Variants in ACAN observed in about 807,000 individuals in gnomAD.
The protein encoded by ACAN is aggrecan core protein.
In ACAN, 47 loss-of-function variants were observed where a neutral mutation model predicts 169.1. The ratio of observed to expected loss-of-function variants is 0.28; its 90% CI spans 0.22 to 0.35. ACAN has a LOEUF of 0.35. Ranked by LOEUF, ACAN falls within the 10% of genes least tolerant of loss-of-function variation. The pLI is 1.00. For missense variants in ACAN, 2,716 were observed against 2,759.9 expected (o/e 0.98, Z 0.36); for synonymous variants, 1,115 against 1,112.2 (o/e 1.00, Z -0.05).
chr15:88,873,794 T>C lies in ACAN; in HGVS notation c.7448-48T>C. ...CTCGGGTCACAACCAGCATAGGTCA[T>C]CCCAGGAGACCCTATGAGACCCTTT... On this transcript the variant is annotated intron_variant, in intron 17 of 18. Coordinates refer to ENST00000560601, the MANE Select transcript of ACAN (RefSeq NM_001369268.1). The surrounding 1 kb of genome is among the most constrained non-coding windows in gnomAD (Gnocchi z 7.5). The C allele has an allele frequency of 1.3e-6, 2 of 1,592,072 alleles. No individual in the cohort carries two copies. The highest frequency in any genetic ancestry group is 8.6e-7 in the Non-Finnish European group (1 of 1,166,296).
rs1445251136 is a variant in ACAN at position 88,843,310 on chromosome 15, G to C, written c.758-45G>C. On this transcript the variant is annotated intron_variant, in intron 5 of 18. Transcript: ENST00000560601. The surrounding 1 kb of genome is among the most constrained non-coding windows in gnomAD (Gnocchi z 4.0). Reference sequence around the variant, plus strand: ...ATCTCTCTGGGGATGCAGAGCAGGGGGAGGGGGGAGAAGACCCTTACCCAG... The same window carrying C: ...ATCTCTCTGGGGATGCAGAGCAGGGCGAGGGGGGAGAAGACCCTTACCCAG... The C allele has an allele frequency of 7.4e-7, 1 of 1,348,580 alleles. No homozygotes were observed. Among genetic ancestry groups the C allele is most frequent in the African/African-American group, 3.2e-5 (1 of 31,408 alleles). The allele number at this position is 1,348,580 out of a possible 1,614,324, so 83.5% of individuals were successfully genotyped here.
intron 13 of ACAN, among the ~76,000 whole-genome samples, chr15:88,867,218 G>A (rs1897294348): frequency 6.6e-6 from 1 of 152,226 alleles, no homozygotes; most frequent in Non-Finnish European, 1.5e-5. Context: ...GCTAATTCAT[G>A]AAAATTTGAG....
chr15:88,815,656 T>A (rs76963421), intron 1 of ACAN, among the ~76,000 whole-genome samples: 1,165 of 54,020 alleles, frequency 0.022, 35 homozygotes, highest in African/African-American at 0.069. Context: ...CTGCACTGAT[T>A]AAAAAAAAAA....
Position 88,872,977 on chromosome 15 carries a change from G to A in ACAN, c.7399G>A (p.Asp2467Asn). The A allele has an allele frequency of 6.2e-7, 1 of 1,613,830 alleles. No individual in the cohort carries two copies. ...CTGGCACGAGAAGGGCGAGTGGAAT[G>A]ATGTTCCCTGCAATTACCACCTCCC... ...MIWHEKGEWN[D>N]VPCNYHLPFT... The change falls in exon 17 of 19, where the codon GAT becomes AAT. Residue 2467 changes from aspartate to asparagine, a missense_variant. Around this residue, in one of 3 missense-constraint regions of ACAN, gnomAD observed 1,389 missense variants for 1,363.7 expected, o/e 1.02. Transcript: ENST00000560601. The surrounding 1 kb of genome is among the most constrained non-coding windows in gnomAD (Gnocchi z 5.4).
At chr15:88,811,718 T>C (rs1184203667) in intron 1 of ACAN, among the ~76,000 whole-genome samples, 1 of 152,150 alleles carries the variant, frequency 6.6e-6, no homozygotes, top group African/African-American at 2.4e-5. Context: ...CCCTGGCCTG[T>C]TGGGTGACTC....
In ACAN at chr15:88,838,925, C is replaced by T. The variant is rs766805580; in HGVS notation, c.333C>T (p.Ala111=). The change falls in exon 3 of 19, where the codon GCC becomes GCT. Residue 111 remains alanine (A), a synonymous_variant. Transcript: ENST00000560601. This position sits in a 1 kb window ranked among gnomAD's most constrained non-coding sequence, Gnocchi z 5.1. ...AGGTCTCACTGCCCAACTACCCGGC[C>T]ATCCCCAGTGACGCCACCTTGGAAG... ...QDKVSLPNYP[A]IPSDATLEVQ... is the part of the protein sequence containing the mutation. The T allele has an allele frequency of 4.3e-6, 7 of 1,613,924 alleles. No individual in the cohort carries two copies. The Admixed American group carries it at 1.2e-4, about 27-fold the overall frequency.
chr15:88,807,747 A>T lies in ACAN; in HGVS notation c.-8+3938A>T, dbSNP rs1315074666. Among the ~76,000 whole-genome samples the T allele has an allele frequency of 5.6e-5, 8 of 142,086 alleles. No individual in the cohort carries two copies. Among genetic ancestry groups the T allele is most frequent in the Non-Finnish European group, 9.2e-5 (6 of 65,318 alleles). The allele number at this position is 142,086 out of a possible 152,430, so 93.2% of individuals were successfully genotyped here. A position where few individuals can be genotyped will look rare whatever the true frequency, so the allele number is the denominator to read the frequency against. ...CTCAGAGCCTCCTTATAAGTGGTGG[A>T]GTGTGTGTGTGTGTGTGTGTGTGTG... is the stretch of plus-strand genomic sequence containing the variant. On this transcript the variant is annotated intron_variant, in intron 1 of 18. Coordinates refer to ENST00000560601, the MANE Select transcript of ACAN (RefSeq NM_001369268.1). The surrounding 1 kb of genome is among the most constrained non-coding windows in gnomAD (Gnocchi z 4.0).
intron 1 of ACAN, among the ~76,000 whole-genome samples, chr15:88,821,764 G>T (rs1395337803): frequency 5.3e-5 from 8 of 152,160 alleles, no homozygotes; most frequent in Non-Finnish European, 1.2e-4. Context: ...TCCTGGCCAG[G>T]ATGTACTGAC....
intron 1 of ACAN, among the ~76,000 whole-genome samples, chr15:88,820,301 C>T (rs4932429): frequency 2.0e-5 from 3 of 151,876 alleles, no homozygotes; most frequent in Admixed American, 1.3e-4. Context: ...TGATCGAGGA[C>T]GGCAAACTGG....
intron 6 of ACAN, among the ~76,000 whole-genome samples, chr15:88,844,294 C>CTTTTTTTTTTT (rs71149235): frequency 1.9e-5 from 2 of 104,690 alleles, no homozygotes; most frequent in East Asian, 2.7e-4. Context: ...CCATGCTTTG[C>CTTTTTTTTTTT]TTTTTTTTTT....
At position 88,840,786 on chromosome 15, in the gene ACAN, T is replaced by TAAAAA. The variant is rs11333209; in HGVS notation, c.629+610_629+614dup. ...TCTTAGGATACAAAAACTATAGCCA[T>TAAAAA]AAAAAAAAAAAAAAGATGAGATAAT... On this transcript the variant is annotated intron_variant, in intron 4 of 18. Coordinates refer to ENST00000560601, the MANE Select transcript of ACAN (RefSeq NM_001369268.1). 2.2e-5 allele frequency among the ~76,000 whole-genome samples: 3 copies of TAAAAA among 136,390 alleles called. 1 individual carries two copies. The highest frequency in any genetic ancestry group is 5.0e-4 in the South Asian group (2 of 4,018). The allele number at this position is 136,390 out of a possible 152,430, so 89.5% of individuals were successfully genotyped here.
rs541175678 is a variant in ACAN, at chr15:88,868,052, GGCAGCAGCAGCAGCA to G, written c.6947-154_6947-140del. Among the ~76,000 whole-genome samples, 1 of 151,982 alleles carries G rather than the reference GGCAGCAGCAGCAGCA, an allele frequency of 6.6e-6. No individual in the cohort carries two copies. The highest frequency in any genetic ancestry group is 2.4e-5 in the African/African-American group (1 of 41,364). ...GATCTTTGCTTCAGCACTCCAAGAT[GGCAGCAGCAGCAGCA>G]GCAGCAGCAACAGTTCTCAGGAAAA... On this transcript the variant is annotated intron_variant, in intron 13 of 18. Coordinates refer to ENST00000560601, the MANE Select transcript of ACAN (RefSeq NM_001369268.1). The surrounding 1 kb of genome is among the most constrained non-coding windows in gnomAD (Gnocchi z 5.2).
At chr15:88,819,782 A>G (rs1048852290) in intron 1 of ACAN, among the ~76,000 whole-genome samples, 6 of 152,012 alleles carry the variant, frequency 3.9e-5, no homozygotes, top group African/African-American at 1.4e-4. Context: ...ACATTTTTTT[A>G]ATTAAAAAAA....
intron 11 of ACAN, among the ~76,000 whole-genome samples, chr15:88,852,934 A>C (rs1896963214): frequency 6.6e-6 from 1 of 152,246 alleles, no homozygotes; most frequent in African/African-American, 2.4e-5. Flanking sequence ...GCTATGCATC[A>C]GCATTCTGTG....
At chr15:88,853,253 T>A (rs749449348) in intron 11 of ACAN, among the ~76,000 whole-genome samples, 1 of 152,238 alleles carries the variant, frequency 6.6e-6, no homozygotes, top group Non-Finnish European at 1.5e-5. Context: ...CTTCAGTTCC[T>A]GACCACCTTG....
chr15:88,853,184 G>A (rs143019137), intron 11 of ACAN, among the ~76,000 whole-genome samples: 7 of 152,298 alleles, frequency 4.6e-5, no homozygotes, highest in Admixed American at 2.0e-4. Context: ...TGGCAACCAC[G>A]AGTGGGGAGT....
chr15:88,850,661 C>G (rs1896909673), intron 10 of ACAN: 1 of 152,142 alleles, frequency 6.6e-6, no homozygotes, highest in South Asian at 2.1e-4. Flanking sequence ...AATTCAAGGC[C>G]AGGAGCAGTG....
intron 1 of ACAN, among the ~76,000 whole-genome samples, chr15:88,824,534 T>C (rs1203166014): frequency 2.6e-5 from 4 of 152,212 alleles, no homozygotes; most frequent in East Asian, 3.9e-4. Context: ...TATATTCAAG[T>C]AGCTGAAACA....
At position 88,849,197 on chromosome 15, in the gene ACAN, T is replaced by A. The variant is rs539209990; in HGVS notation, c.1733-241T>A. Among the ~76,000 whole-genome samples, 26 of 152,312 alleles carry A rather than the reference T, an allele frequency of 1.7e-4. No homozygotes were observed. Among genetic ancestry groups the A allele is most frequent in the African/African-American group, 6.0e-4 (25 of 41,566 alleles). ...GCCCAGTTTTACGGGAATTTTGCCT[T>A]TTTTGGCACCGAAAGTCCTATGTAC... is the stretch of plus-strand genomic sequence containing the variant. On this transcript the variant is annotated intron_variant, in intron 9 of 18. Transcript: ENST00000560601. The surrounding 1 kb of genome is among the most constrained non-coding windows in gnomAD (Gnocchi z 5.1).
Sources: allele counts gnomAD v4.1 joint callset (sites outside exome capture counted in the v4.1 genomes callset), GRCh38; gene constraint gnomAD v4.1.1; regional missense constraint gnomAD v4.1.1; non-coding constraint Gnocchi (gnomAD v3.1); transcripts MANE v1.5; gene names NCBI Gene and HGNC (gene_info 2026-07-23, HGNC 2026-07-21).